The following LDLRAD3 variants were observed in gnomAD, a reference collection of about 807,000 sequenced individuals.
LDLRAD3 encodes low density lipoprotein receptor class A domain containing 3.
In LDLRAD3, 20 loss-of-function variants were observed where a neutral mutation model predicts 29.4. The observed-to-expected ratio is 0.68, with a 90% CI of 0.48 to 0.99. LDLRAD3 has a LOEUF of 0.99. LDLRAD3 is among the 50% of genes least tolerant of loss of function. The pLI is 0.00. For synonymous variants in LDLRAD3, 157 were observed against 192.7 expected (o/e 0.81, Z 1.53); for missense variants, 420 against 454.3 (o/e 0.92, Z 0.69).
At chr11:36,045,519 C>T (rs867897760) in intron 2 of LDLRAD3, among the ~76,000 whole-genome samples, 1 of 152,156 alleles carries the variant, frequency 6.6e-6, no homozygotes, top group South Asian at 2.1e-4. Flanking sequence ...CTCACTTCTA[C>T]TGATTTGCTG....
Position 36,229,522 on chromosome 11 carries a change from T to A in LDLRAD3, c.*125T>A. On this transcript the variant is annotated 3_prime_UTR_variant, in exon 6 of 6. Coordinates refer to ENST00000315571, the MANE Select transcript of LDLRAD3 (RefSeq NM_174902.4). ...TGTCTCAAGTTACAGTTTGGGATAT[T>A]AACTATCTCTGCATTCCCCTCCTCC... The A allele has an allele frequency of 1.4e-6, 1 of 690,302 alleles. No homozygotes were observed. Among genetic ancestry groups the A allele is most frequent in the Non-Finnish European group, 2.5e-6 (1 of 397,858 alleles). The allele number at this position is 690,302 out of a possible 1,614,324, so 42.8% of individuals were successfully genotyped here.
intron 4 of LDLRAD3, among the ~76,000 whole-genome samples, chr11:36,113,404 A>G (rs1266454758): frequency 1.3e-5 from 2 of 152,142 alleles, no homozygotes; most frequent in African/African-American, 4.8e-5. Context: ...GACATCAGAA[A>G]GCGGGGAAGT....
chr11:36,202,238 A>G (rs889035327), intron 4 of LDLRAD3, among the ~76,000 whole-genome samples: 3 of 151,992 alleles, frequency 2.0e-5, no homozygotes, highest in Admixed American at 6.6e-5. Context: ...GAAGGCTACT[A>G]TGTTGGCCAT....
At chr11:35,968,071 C>CT (rs1356668792) in intron 1 of LDLRAD3, 2 of 457,518 alleles carry the variant, frequency 4.4e-6, no homozygotes, top group African/African-American at 2.0e-5. Flanking sequence ...TCCGAGCATT[C>CT]TTTTTTATAG....
At chr11:36,026,467 G>A (rs1852168655) in intron 1 of LDLRAD3, among the ~76,000 whole-genome samples, 1 of 152,202 alleles carries the variant, frequency 6.6e-6, no homozygotes, top group Admixed American at 6.5e-5. Context: ...ATTTAAACCA[G>A]AGTGATTCCA....
intron 2 of LDLRAD3, among the ~76,000 whole-genome samples, chr11:36,055,926 T>G (rs1399863870): frequency 6.7e-6 from 1 of 149,784 alleles, no homozygotes; most frequent in East Asian, 2.0e-4. Context: ...TTTAAGGTTA[T>G]GCAAAATGGT....
chr11:36,221,367 C>CAAA (rs34614422), intron 4 of LDLRAD3, among the ~76,000 whole-genome samples: 9,469 of 140,322 alleles, frequency 0.067, 397 homozygotes, highest in East Asian at 0.19. Context: ...GACTCCATCT[C>CAAA]AAAAAAAAAA....
At chr11:36,116,198 C>T (rs1853671484) in intron 4 of LDLRAD3, among the ~76,000 whole-genome samples, 1 of 152,202 alleles carries the variant, frequency 6.6e-6, no homozygotes, top group Non-Finnish European at 1.5e-5. Context: ...TCAGAGCTAC[C>T]AGCCCAAGCC....
chr11:35,987,528 G>A (rs1013447483), intron 1 of LDLRAD3, among the ~76,000 whole-genome samples: 6 of 152,304 alleles, frequency 3.9e-5, no homozygotes, highest in South Asian at 4.1e-4. Context: ...TTCTGTTCCT[G>A]CATGAATTCA....
intron 1 of LDLRAD3, among the ~76,000 whole-genome samples, chr11:35,992,185 C>T (rs1851699971): frequency 6.6e-6 from 1 of 152,060 alleles, no homozygotes; most frequent in African/African-American, 2.4e-5. Flanking sequence ...CAGTATTGGC[C>T]ACAGAGATCC....
chr11:36,152,708 G>T (rs1193927599), intron 4 of LDLRAD3, among the ~76,000 whole-genome samples: 1 of 152,184 alleles, frequency 6.6e-6, no homozygotes, highest in Non-Finnish European at 1.5e-5. Context: ...AGTTGAAATA[G>T]CAGGTCTGTT....
At chr11:35,984,631 T>TTTTG (rs540050231) in intron 1 of LDLRAD3, among the ~76,000 whole-genome samples, 5 of 152,110 alleles carry the variant, frequency 3.3e-5, no homozygotes, top group East Asian at 1.9e-4. Flanking sequence ...TCATTGTTCT[T>TTTTG]TTTGTTTGTT....
chr11:36,120,348 C>A (rs540982985), intron 4 of LDLRAD3, among the ~76,000 whole-genome samples: 1 of 152,246 alleles, frequency 6.6e-6, no homozygotes, highest in African/African-American at 2.4e-5. Context: ...CAATCTCCTT[C>A]ACCAGAATAT....
intron 4 of LDLRAD3, among the ~76,000 whole-genome samples, chr11:36,224,562 T>C (rs940982965): frequency 3.3e-5 from 5 of 152,182 alleles, no homozygotes; most frequent in African/African-American, 1.2e-4. Flanking sequence ...CCTCCCTTAA[T>C]TGTAGTGCAG....
chr11:36,090,997 T>A (rs1853272244), intron 3 of LDLRAD3, among the ~76,000 whole-genome samples: 1 of 152,126 alleles, frequency 6.6e-6, no homozygotes, highest in South Asian at 2.1e-4. Context: ...GTGCAGGGCT[T>A]GTTGTCGGGA....
chr11:35,966,349 C>T (rs182231186), intron 1 of LDLRAD3, among the ~76,000 whole-genome samples: 130 of 152,258 alleles, frequency 8.5e-4, no homozygotes, highest in African/African-American at 1.4e-3. Flanking sequence ...CTCTTGAACC[C>T]GGGAGGCGGA....
intron 4 of LDLRAD3, among the ~76,000 whole-genome samples, chr11:36,177,888 T>C (rs1419686540): frequency 1.3e-5 from 2 of 152,182 alleles, no homozygotes; most frequent in Non-Finnish European, 2.9e-5. Flanking sequence ...GGATAAGTAT[T>C]TGGGTTTCTC....
chr11:36,097,840 G>A (rs1057103448), intron 3 of LDLRAD3, among the ~76,000 whole-genome samples: 49 of 150,974 alleles, frequency 3.2e-4, no homozygotes, highest in African/African-American at 1.1e-3. Context: ...AACAAAAATG[G>A]AAAAAAAAAT....
intron 2 of LDLRAD3, among the ~76,000 whole-genome samples, chr11:36,055,026 A>AATGG (rs1704470261): frequency 7.7e-5 from 1 of 12,970 alleles, no homozygotes; most frequent in East Asian, 2.7e-3. Context: ...TGGTTGGATG[A>AATGG]ATGGATGGAT....
Sources: allele counts gnomAD v4.1 joint callset (sites outside exome capture counted in the v4.1 genomes callset), GRCh38; gene constraint gnomAD v4.1.1; transcripts MANE v1.5; gene names NCBI Gene and HGNC (gene_info 2026-07-23, HGNC 2026-07-21).